Variants in COL5A1 observed in about 807,000 individuals in gnomAD.
COL5A1 encodes collagen type V alpha 1 chain, also known as collagen alpha-1(V) chain.
In COL5A1, 16 loss-of-function variants were observed where a neutral mutation model predicts 263.7. The observed-to-expected ratio is 0.06, with a 90% CI of 0.04 to 0.09. The LOEUF (loss-of-function observed/expected upper bound fraction) is 0.09. Ranked by LOEUF, COL5A1 falls within the 10% of genes least tolerant of loss-of-function variation. The pLI is 1.00. For synonymous variants in COL5A1, 1,012 were observed against 1,004.5 expected (o/e 1.01, Z -0.14); for missense variants, 2,036 against 2,540.5 (o/e 0.80, Z 4.27).
rs1588432820 is a variant in COL5A1 at position 134,682,714 on chromosome 9, C to T, written c.110-8198C>T. 6.6e-6 allele frequency among the ~76,000 whole-genome samples: 1 copy of T among 152,248 alleles called. No homozygotes were observed. The highest frequency in any genetic ancestry group is 2.1e-4 in the South Asian group (1 of 4,824). Reference sequence around the variant, plus strand: ...GACGGGGGAGCTGAGGAAAAGTCACCCCCAAGTGACCACGAGTGACCAGGT... The same window carrying T: ...GACGGGGGAGCTGAGGAAAAGTCACTCCCAAGTGACCACGAGTGACCAGGT... On this transcript the variant is annotated intron_variant, in intron 1 of 65. Transcript: ENST00000371817. This position sits in a 1 kb window ranked among gnomAD's most constrained non-coding sequence, Gnocchi z 5.1.
chr9:134,726,113 GAGGC>G (rs1834639728), intron 4 of COL5A1, among the ~76,000 whole-genome samples: 1 of 152,208 alleles, frequency 6.6e-6, no homozygotes, highest in Non-Finnish European at 1.5e-5. Flanking sequence ...AATGGCAAAG[GAGGC>G]AGGGTACCTC....
chr9:134,836,173 C>T (rs1007338735), intron 65 of COL5A1, among the ~76,000 whole-genome samples: 1 of 152,198 alleles, frequency 6.6e-6, no homozygotes, highest in Non-Finnish European at 1.5e-5. Context: ...TTACTCCGCT[C>T]CCAGCTCTGC....
chr9:134,652,381 C>T lies in COL5A1; in HGVS notation c.109+10085C>T, dbSNP rs1831719775. On this transcript the variant is annotated intron_variant, in intron 1 of 65. Transcript: ENST00000371817. The surrounding 1 kb of genome is among the most constrained non-coding windows in gnomAD (Gnocchi z 4.4). ...GGGCAAGGAGATGCCCCAGGTGGAGCCATCGGGAGAGGGAGAGGGGGTGGG... is the reference window on the plus strand; with the variant it reads ...GGGCAAGGAGATGCCCCAGGTGGAGTCATCGGGAGAGGGAGAGGGGGTGGG... Among the ~76,000 whole-genome samples, 1 of 149,228 alleles carries T rather than the reference C, an allele frequency of 6.7e-6. No homozygotes were observed. The highest frequency in any genetic ancestry group is 3.2e-3 in the Middle Eastern group (1 of 314).
chr9:134,782,089 A>G (rs2132764653), intron 28 of COL5A1, among the ~76,000 whole-genome samples: 1 of 152,298 alleles, frequency 6.6e-6, no homozygotes, highest in Non-Finnish European at 1.5e-5. Flanking sequence ...AACGGACAGC[A>G]GGGGGCACTG....
intron 1 of COL5A1, among the ~76,000 whole-genome samples, chr9:134,648,765 T>C (rs1831561687): frequency 6.6e-6 from 1 of 152,136 alleles, no homozygotes; most frequent in Non-Finnish European, 1.5e-5. Flanking sequence ...CCTCACTGGG[T>C]ACGCAGGAGA....
chr9:134,805,566 C>T (rs141092615), intron 41 of COL5A1, among the ~76,000 whole-genome samples: 1,791 of 152,290 alleles, frequency 0.012, 17 homozygotes, highest in Non-Finnish European at 0.019. Context: ...GAAACAGACA[C>T]GGGTCTGCAG....
intron 19 of COL5A1, among the ~76,000 whole-genome samples, chr9:134,762,859 T>C (rs1836510362): frequency 6.7e-6 from 1 of 148,590 alleles, no homozygotes; most frequent in Admixed American, 6.7e-5. Context: ...TGCTTCTTGA[T>C]TGAGAGGACG....
chr9:134,722,876 G>C (rs926821694), intron 4 of COL5A1, among the ~76,000 whole-genome samples: 1 of 152,106 alleles, frequency 6.6e-6, no homozygotes, highest in Non-Finnish European at 1.5e-5. Flanking sequence ...TGGCCTCAGC[G>C]GGTGGAGAGT....
At chr9:134,736,407 C>T (rs1003115866) in intron 9 of COL5A1, among the ~76,000 whole-genome samples, 20 of 152,200 alleles carry the variant, frequency 1.3e-4, no homozygotes, top group African/African-American at 4.6e-4. Context: ...CTGCTGCCAT[C>T]CTGTCATCAA....
At chr9:134,811,180 T>A (rs1202483794) in intron 44 of COL5A1, among the ~76,000 whole-genome samples, 159 bp from the exon 45 acceptor site, 1 of 152,190 alleles carries the variant, frequency 6.6e-6, no homozygotes, top group African/African-American at 2.4e-5. Context: ...TCCCAGAGCC[T>A]GCAGCAGGCT....
chr9:134,650,651 C>T (rs988314357), intron 1 of COL5A1, among the ~76,000 whole-genome samples: 4 of 152,232 alleles, frequency 2.6e-5, no homozygotes, highest in African/African-American at 4.8e-5. Context: ...GGGGCGGTGG[C>T]CAGTCAGAGA....
Position 134,732,110 on chromosome 9 carries a change from C to G in COL5A1, c.1372C>G (p.Pro458Ala), listed in dbSNP as rs537950589. The G allele has an allele frequency of 6.2e-7, 1 of 1,614,250 alleles. No individual in the cohort carries two copies. The highest frequency in any genetic ancestry group is 1.1e-5 in the South Asian group (1 of 91,088). Residue 458 changes from proline to alanine, a missense_variant, in exon 9 of 66, where the codon CCA becomes GCA. Pro to Ala is a conservative substitution (Grantham distance 27). This residue lies in a region of COL5A1 where 600 missense variants were observed against 634.5 expected (regional missense o/e 0.95). Transcript: ENST00000371817. ...GGGCGAGAAAGGCCAAAAGGGAGAA[C>G]CAGCGATTATCGAGCCGGTGAGGAC... ...PRGEKGQKGEPAIIEPGMLIE... is the reference protein window; with the variant it reads ...PRGEKGQKGEAAIIEPGMLIE...
At position 134,647,643 on chromosome 9, in the gene COL5A1, G is replaced by A. The variant is rs1052156596; in HGVS notation, c.109+5347G>A. Among the ~76,000 whole-genome samples, 4 of 152,232 alleles carry A rather than the reference G, an allele frequency of 2.6e-5. No individual in the cohort carries two copies. The highest frequency in any genetic ancestry group is 9.6e-5 in the African/African-American group (4 of 41,466). On this transcript the variant is annotated intron_variant, in intron 1 of 65. Coordinates refer to ENST00000371817, the MANE Select transcript of COL5A1 (RefSeq NM_000093.5). The surrounding 1 kb of genome is among the most constrained non-coding windows in gnomAD (Gnocchi z 5.0). ...CAGCTGGACGGGAGAGGAGGAGATG[G>A]CACGTGGAACCTGCCGGTTGAGCGT...
chr9:134,822,994 G>A lies in COL5A1; in HGVS notation c.4609-4G>A, dbSNP rs1163710087. 6.2e-7 allele frequency: 1 copy of A among 1,614,058 alleles called. No homozygotes were observed. The highest frequency in any genetic ancestry group is 8.5e-7 in the Non-Finnish European group (1 of 1,179,984). On this transcript the variant is annotated splice_polypyrimidine_tract_variant and splice_region_variant and intron_variant, in intron 59 of 65. Transcript: ENST00000371817. ...GCTGACGTTCTGCCCTCCTCTCTCTGCAGGGTCCGCCTGGTCCAAAAGGTG... is the reference window on the plus strand; with the variant it reads ...GCTGACGTTCTGCCCTCCTCTCTCTACAGGGTCCGCCTGGTCCAAAAGGTG...
chr9:134,772,601 TGGCGGCTCGGGGAGGCCG>T (rs985166724), intron 25 of COL5A1, among the ~76,000 whole-genome samples, 171 bp from the exon 26 acceptor site: 3 of 152,168 alleles, frequency 2.0e-5, no homozygotes, highest in African/African-American at 7.2e-5. Context: ...GTTCAGGGCC[TGGCGGCTCGGGGAGGCCG>T]GGCTGTGCTT....
chr9:134,835,234 CT>C, intron 65 of COL5A1, 30 bp downstream of exon 65: 1 of 1,582,800 alleles, frequency 6.3e-7, no homozygotes. Context: ...CCCAGCACCC[CT>C]GCTCACGCCT....
intron 42 of COL5A1, chr9:134,808,904 GCTCA>G (rs1838404233): frequency 3.8e-6 from 2 of 524,022 alleles, no homozygotes; most frequent in Non-Finnish European, 6.9e-6. Flanking sequence ...TGTCTCTACT[GCTCA>G]CTAACTGTGC....
chr9:134,738,730 T>C lies in COL5A1; in HGVS notation c.1432-16T>C. On this transcript the variant is annotated splice_polypyrimidine_tract_variant and intron_variant, in intron 10 of 65. Coordinates refer to ENST00000371817, the MANE Select transcript of COL5A1 (RefSeq NM_000093.5). ...GCCCCATCTTCTAACTGCCCCAACT[T>C]TATTTTTAATTCTAGGGTCTTCCCG... is the stretch of plus-strand genomic sequence containing the variant. 1 of 1,610,268 alleles carries C rather than the reference T, an allele frequency of 6.2e-7. No individual in the cohort carries two copies. Among genetic ancestry groups the C allele is most frequent in the Non-Finnish European group, 8.5e-7 (1 of 1,176,580 alleles).
intron 1 of COL5A1, among the ~76,000 whole-genome samples, chr9:134,688,731 C>T (rs2132547271): frequency 6.6e-6 from 1 of 152,320 alleles, no homozygotes; most frequent in East Asian, 1.9e-4. Flanking sequence ...AAATCCTCAG[C>T]TTCTCCATGT....
Sources: gnomAD v4.1 joint callset for allele counts (sites outside exome capture counted in the v4.1 genomes callset) on GRCh38, gnomAD v4.1.1 for gene constraint, gnomAD v4.1.1 regional missense constraint, Gnocchi (gnomAD v3.1) non-coding constraint, MANE v1.5 for transcripts, NCBI Gene and HGNC (gene_info 2026-07-23, HGNC 2026-07-21) for gene names.